The following GABRB2 variants were observed in gnomAD, a reference collection of about 807,000 sequenced individuals.
The protein encoded by GABRB2 is gamma-aminobutyric acid receptor subunit beta-2.
GABRB2 carries 16 observed loss-of-function variants against 54.7 expected under a neutral mutation model. The observed-to-expected ratio is 0.29, with a 90% confidence interval of 0.20 to 0.44. The LOEUF is 0.44. GABRB2 is among the 20% of genes least tolerant of loss of function. GABRB2 has a pLI of 1.00. For missense variants in GABRB2, 355 were observed against 644.0 expected, an observed-to-expected ratio of 0.55 and a Z score of 4.86; for synonymous variants, 244 against 233.8, an observed-to-expected ratio of 1.04 and a Z score of -0.40.
chr5:161,418,706 T>C (rs1246896972), intron 4 of GABRB2, among the ~76,000 whole-genome samples: 1 of 151,976 alleles, frequency 6.6e-6, no homozygotes, highest in Admixed American at 6.6e-5. Context: ...ACAGACAACC[T>C]ATAGAATGGG....
intron 5 of GABRB2, among the ~76,000 whole-genome samples, chr5:161,399,961 G>A (rs944398549): frequency 6.6e-6 from 1 of 152,172 alleles, no homozygotes; most frequent in Non-Finnish European, 1.5e-5. Context: ...CATGGAGCTG[G>A]CGGCAGTGGA....
intron 3 of GABRB2, among the ~76,000 whole-genome samples, chr5:161,462,825 C>T (rs1044038687): frequency 6.6e-6 from 1 of 152,080 alleles, no homozygotes; most frequent in East Asian, 1.9e-4. Context: ...GCTCCTGATT[C>T]GAACTCAATG....
chr5:161,452,289 T>C (rs547343509), intron 4 of GABRB2, among the ~76,000 whole-genome samples: 17 of 152,340 alleles, frequency 1.1e-4, no homozygotes, highest in African/African-American at 2.6e-4. Flanking sequence ...AGGATATATG[T>C]CATACATTAA....
intron 9 of GABRB2, among the ~76,000 whole-genome samples, chr5:161,323,042 T>C (rs1758257873): frequency 6.6e-6 from 1 of 151,494 alleles, no homozygotes; most frequent in Non-Finnish European, 1.5e-5. Flanking sequence ...TTTTTTTTTT[T>C]GAGACGGAGT....
At chr5:161,354,487 G>C (rs1249878103) in intron 5 of GABRB2, among the ~76,000 whole-genome samples, 1 of 151,892 alleles carries the variant, frequency 6.6e-6, no homozygotes. Context: ...ACTTCTATGG[G>C]CTCTACCTCC....
chr5:161,432,795 C>T (rs748188094), intron 4 of GABRB2, among the ~76,000 whole-genome samples: 1 of 152,062 alleles, frequency 6.6e-6, no homozygotes, highest in Non-Finnish European at 1.5e-5. Context: ...TGCTGTTCCC[C>T]GAGAGTCACC....
intron 4 of GABRB2, among the ~76,000 whole-genome samples, chr5:161,452,180 C>T (rs974738424): frequency 6.6e-6 from 1 of 152,028 alleles, no homozygotes; most frequent in African/African-American, 2.4e-5. Flanking sequence ...TTTTTGATTT[C>T]TTAATAAATC....
intron 5 of GABRB2, among the ~76,000 whole-genome samples, chr5:161,369,240 C>T (rs1755060821): frequency 6.6e-6 from 1 of 152,138 alleles, no homozygotes; most frequent in Non-Finnish European, 1.5e-5. Context: ...AATAGATTTC[C>T]TGCAGGGAAA....
chr5:161,402,816 G>A (rs1294440616), intron 5 of GABRB2, among the ~76,000 whole-genome samples: 1 of 152,138 alleles, frequency 6.6e-6, no homozygotes, highest in African/African-American at 2.4e-5. Flanking sequence ...CCCTCCAGGA[G>A]ATTCTCCTGC....
chr5:161,410,874 C>T (rs935831566), intron 5 of GABRB2, 101 bp downstream of exon 5: 3 of 828,984 alleles, frequency 3.6e-6, no homozygotes, highest in Non-Finnish European at 3.8e-6. Context: ...CTAGCAGAAC[C>T]TTTGCAGGGC....
chr5:161,326,531 G>T (rs1369282649), intron 8 of GABRB2, 50 bp from the exon 9 acceptor site: 7 of 1,577,070 alleles, frequency 4.4e-6, no homozygotes, highest in Admixed American at 1.8e-5. Context: ...GATGCTACTA[G>T]ATTAGGCCTG....
At chr5:161,462,253 G>C (rs1330594688) in intron 3 of GABRB2, among the ~76,000 whole-genome samples, 1 of 152,236 alleles carries the variant, frequency 6.6e-6, no homozygotes, top group Middle Eastern at 3.4e-3. Flanking sequence ...CTCTGCTTTA[G>C]GGAAGAATTA....
intron 5 of GABRB2, among the ~76,000 whole-genome samples, chr5:161,401,373 T>C (rs968186148): frequency 6.6e-6 from 1 of 152,206 alleles, no homozygotes; most frequent in Non-Finnish European, 1.5e-5. Flanking sequence ...CTTTACATTT[T>C]ATCATACAAA....
At chr5:161,501,594 A>G (rs561430519) in intron 3 of GABRB2, among the ~76,000 whole-genome samples, 8 of 152,134 alleles carry the variant, frequency 5.3e-5, no homozygotes, top group Middle Eastern at 3.2e-3. Context: ...CAGTTTTTCA[A>G]TATTGCACAG....
At chr5:161,377,058 A>C (rs1446100505) in intron 5 of GABRB2, among the ~76,000 whole-genome samples, 1 of 152,162 alleles carries the variant, frequency 6.6e-6, no homozygotes, top group Non-Finnish European at 1.5e-5. Flanking sequence ...ATCTAAATTA[A>C]GAAAAACTAT....
intron 3 of GABRB2, among the ~76,000 whole-genome samples, chr5:161,503,570 T>C (rs2113384350): frequency 1.3e-5 from 2 of 152,184 alleles, no homozygotes; most frequent in African/African-American, 4.8e-5. Context: ...TAGCCGGGCA[T>C]GGTGGTGCAT....
At chr5:161,334,710 C>T (rs745855999) in intron 7 of GABRB2, 42 bp downstream of exon 7, 3 of 1,604,960 alleles carry the variant, frequency 1.9e-6, no homozygotes, top group Non-Finnish European at 1.7e-6. Context: ...CAGAAATGTA[C>T]ACACAGAGTC....
upstream of GABRB2, among the ~76,000 whole-genome samples, chr5:161,547,454 C>A (rs1315153648): frequency 6.6e-6 from 1 of 152,060 alleles, no homozygotes. Context: ...TACTCACGAG[C>A]GATTTCTTTC....
intron 4 of GABRB2, among the ~76,000 whole-genome samples, chr5:161,442,338 A>G (rs1757491576): frequency 2.0e-5 from 3 of 152,236 alleles, no homozygotes; most frequent in Admixed American, 6.5e-5. Flanking sequence ...TAAGTAAAGT[A>G]TCATGAGCAA....
Sources: allele counts gnomAD v4.1 joint callset (sites outside exome capture counted in the v4.1 genomes callset), GRCh38; gene constraint gnomAD v4.1.1; transcripts MANE v1.5; gene names NCBI Gene and HGNC (gene_info 2026-07-23, HGNC 2026-07-21).